ZBED3: variants seen among roughly 807,000 people sequenced by gnomAD.
ZBED3 encodes zinc finger BED-type containing 3.
For missense variants in ZBED3, 388 were observed against 362.9 expected (o/e 1.07, Z -0.56); for synonymous variants, 175 against 180.0 (o/e 0.97, Z 0.22).
At chr5:77,086,635 G>A (rs538395820) in intron 1 of ZBED3, 4 of 148,454 alleles carry the variant, frequency 2.7e-5, no homozygotes, top group African/African-American at 9.9e-5. Flanking sequence ...TTTGTTTGGG[G>A]GCCATGAGGG....
rs1198306740 is a variant in ZBED3 at position 77,075,481 on chromosome 5, T to C, written c.*1693A>G. 2 of 152,208 alleles carry C rather than the reference T, an allele frequency of 1.3e-5. No individual in the cohort carries two copies. The highest frequency in any genetic ancestry group is 2.9e-5 in the Non-Finnish European group (2 of 68,034). The allele number at this position is 152,208 out of a possible 1,614,324, so 9.4% of individuals were successfully genotyped here. The stretch of plus-strand genomic sequence containing the variant: ...TTTATATTTTTAGGCATGATCATCT[T>C]AATGTAATCATGTAGAACGGTGTCT... On this transcript the variant is annotated 3_prime_UTR_variant, in exon 3 of 3. Coordinates refer to ENST00000255198, the MANE Select transcript of ZBED3 (RefSeq NM_032367.4).
rs763294757 is a variant in ZBED3 at position 77,077,251 on chromosome 5, G to A, written c.628C>T (p.Pro210Ser). Residue 210 changes from proline (P) to serine (S), a missense_variant, in exon 3 of 3, where the codon CCC (proline) becomes TCC (serine). Pro to Ser is a moderately conservative substitution (Grantham distance 74). Transcript: ENST00000255198. Reference sequence around the variant, plus strand: ...TCCTTGAGCGGCGGCGGCGCAGCGGGGGCCCAGCCCAGGGCGCCCTCACGG... The same window carrying A: ...TCCTTGAGCGGCGGCGGCGCAGCGGAGGCCCAGCCCAGGGCGCCCTCACGG... ...SRREGALGWA[P>S]AAPPPLKDDP... 98 of 1,469,128 alleles carry A rather than the reference G, an allele frequency of 6.7e-5. No individual in the cohort carries two copies. The African/African-American group carries it at 1.1e-3, about 17-fold the overall frequency. 91.0% of individuals were successfully genotyped at this position (1,469,128 alleles called of 1,614,324 possible).
At chr5:77,084,466 T>G (rs1431493123) in intron 1 of ZBED3, among the ~76,000 whole-genome samples, 3 of 151,788 alleles carry the variant, frequency 2.0e-5, no homozygotes, top group Non-Finnish European at 1.5e-5. Flanking sequence ...GCCTTTCGCC[T>G]TCCGCCTTCC....
rs1013059263 is a variant in ZBED3, at chr5:77,075,300, T to G, written c.*1874A>C. ...GTATCATGGGAAAATATGTTGGGGT[T>G]GTTGTAGACTGAAAGTGACTAGAGT... On this transcript the variant is annotated 3_prime_UTR_variant, in exon 3 of 3. Transcript: ENST00000255198. 5 of 152,202 alleles carry G rather than the reference T, an allele frequency of 3.3e-5. No homozygotes were observed. The highest frequency in any genetic ancestry group is 1.2e-4 in the African/African-American group (5 of 41,438). The allele number at this position is 152,202 out of a possible 1,614,324, so 9.4% of individuals were successfully genotyped here.
rs1349751465 is a variant in ZBED3 at position 77,077,382 on chromosome 5, C to T, written c.497G>A (p.Arg166Gln). Residue 166 changes from arginine (R) to glutamine (Q), a missense_variant, in exon 3 of 3, where the codon CGG (arginine) becomes CAG (glutamine). Physicochemically the swap from Arg to Gln is conservative, Grantham distance 43 (BLOSUM62 1). Coordinates refer to ENST00000255198, the MANE Select transcript of ZBED3 (RefSeq NM_032367.4). ...AVEQGERALE[R>Q]RRRALQEEER... ...TTCCTCCTGCAGCGCCCTCCGCCTC[C>T]GCTCCAGGGCGCGCTCGCCCTGCTC... 3 of 1,251,020 alleles carry T rather than the reference C, an allele frequency of 2.4e-6. No homozygotes were observed. Among genetic ancestry groups the T allele is most frequent in the African/African-American group, 1.6e-5 (1 of 63,658 alleles). The allele number at this position is 1,251,020 out of a possible 1,614,324, so 77.5% of individuals were successfully genotyped here.
intron 1 of ZBED3, among the ~76,000 whole-genome samples, chr5:77,086,314 C>T (rs976151803): frequency 1.3e-5 from 2 of 151,822 alleles, no homozygotes; most frequent in East Asian, 1.9e-4. Context: ...TTTTATAATA[C>T]GTATTGCTGT....
chr5:77,073,930 G>A lies in ZBED3; in HGVS notation c.*3244C>T, dbSNP rs1438085930. The A allele has an allele frequency of 2.0e-5, 3 of 152,192 alleles. No individual in the cohort carries two copies. Among genetic ancestry groups the A allele is most frequent in the African/African-American group, 7.2e-5 (3 of 41,444 alleles). 9.4% of individuals were successfully genotyped at this position (152,192 alleles called of 1,614,324 possible). A position where few individuals can be genotyped will look rare whatever the true frequency, so the allele number is the denominator to read the frequency against. On this transcript the variant is annotated 3_prime_UTR_variant, in exon 3 of 3. Transcript: ENST00000255198. Reference sequence around the variant, plus strand: ...AGCTGGCCTGTCCTGAGGGTTGTGAGGCACAAAATGCTAGGAGACTAGAGA... The same window carrying A: ...AGCTGGCCTGTCCTGAGGGTTGTGAAGCACAAAATGCTAGGAGACTAGAGA...
chr5:77,082,083 A>G (rs1743139201), intron 1 of ZBED3, among the ~76,000 whole-genome samples: 1 of 152,150 alleles, frequency 6.6e-6, no homozygotes, highest in Non-Finnish European at 1.5e-5. Flanking sequence ...CTTGGCCAAC[A>G]TGGTGAAACC....
chr5:77,077,614 A>C lies in ZBED3; in HGVS notation c.265T>G (p.Leu89Val). 1 of 1,407,030 alleles carries C rather than the reference A, an allele frequency of 7.1e-7. No homozygotes were observed. Among genetic ancestry groups the C allele is most frequent in the Non-Finnish European group, 9.3e-7 (1 of 1,079,824 alleles). 87.2% of individuals were successfully genotyped at this position (1,407,030 alleles called of 1,614,324 possible). The change falls in exon 3 of 3, where the codon TTG (leucine) becomes GTG (valine). Residue 89 changes from leucine to valine, a missense_variant. Leu to Val is a conservative substitution (Grantham distance 32). Transcript: ENST00000255198. Reference sequence around the variant, plus strand: ...TGCGCGCTCCTCAGGTGCCTCCACAACGCCGAGGTCCCCGCGTGGAAGCCC... The same window carrying C: ...TGCGCGCTCCTCAGGTGCCTCCACACCGCCGAGGTCCCCGCGTGGAAGCCC... The part of the protein sequence containing the change: ...GPGFHAGTSA[L>V]WRHLRSAHRR...
At position 77,075,105 on chromosome 5, in the gene ZBED3, G is replaced by A. The variant is rs968360874; in HGVS notation, c.*2069C>T. On this transcript the variant is annotated 3_prime_UTR_variant, in exon 3 of 3. Coordinates refer to ENST00000255198, the MANE Select transcript of ZBED3 (RefSeq NM_032367.4). ...GGGCATGAAGGTTTTCTCCAGGCCC[G>A]GGGAGAACACTCGGCCTGGAGATAT... 5 of 152,154 alleles carry A rather than the reference G, an allele frequency of 3.3e-5. No homozygotes were observed. The East Asian group carries it at 7.7e-4, about 23-fold the overall frequency. 9.4% of individuals were successfully genotyped at this position (152,154 alleles called of 1,614,324 possible).
rs1742952089 is a variant in ZBED3 at position 77,075,193 on chromosome 5, T to C, written c.*1981A>G. ...AGGGATATGAGCCACGAGTGGAGTG[T>C]AGACATAGGCCTAAGGAAGCAATCA... On this transcript the variant is annotated 3_prime_UTR_variant, in exon 3 of 3. Coordinates refer to ENST00000255198, the MANE Select transcript of ZBED3 (RefSeq NM_032367.4). 6.6e-6 allele frequency: 1 copy of C among 152,150 alleles called. No homozygotes were observed. Among genetic ancestry groups the C allele is most frequent in the African/African-American group, 2.4e-5 (1 of 41,408 alleles). The allele number at this position is 152,150 out of a possible 1,614,324, so 9.4% of individuals were successfully genotyped here.
rs11744590 is a variant in ZBED3, at chr5:77,076,041, G to A, written c.*1133C>T. 9.2e-4 allele frequency: 70 copies of A among 76,238 alleles called. 10 individuals carry two copies. Among genetic ancestry groups the A allele is most frequent in the African/African-American group, 2.8e-3 (63 of 22,182 alleles). The allele number at this position is 76,238 out of a possible 1,614,324, so 4.7% of individuals were successfully genotyped here. ...TATATGTATATATATATGTATATAT[G>A]TATATATATATATAATATATACACA... On this transcript the variant is annotated 3_prime_UTR_variant, in exon 3 of 3. Coordinates refer to ENST00000255198, the MANE Select transcript of ZBED3 (RefSeq NM_032367.4).
chr5:77,079,480 T>C (rs182644096), intron 1 of ZBED3: 254 of 152,392 alleles, frequency 1.7e-3, no homozygotes, highest in African/African-American at 5.8e-3. Context: ...TTGTTGCAGA[T>C]GCACTGTACT....
chr5:77,083,270 C>T (rs1361743989), intron 1 of ZBED3, among the ~76,000 whole-genome samples: 1 of 152,228 alleles, frequency 6.6e-6, no homozygotes, highest in South Asian at 2.1e-4. Flanking sequence ...CACTGCTGCG[C>T]CGCTTGGAGG....
In ZBED3 at chr5:77,077,640, G is replaced by A. The variant is rs1405289107; in HGVS notation, c.239C>T (p.Pro80Leu). The change falls in exon 3 of 3, where the codon CCG becomes CTG. Residue 80 changes from proline (P) to leucine (L), a missense_variant. By Grantham distance (98) the Pro-to-Leu change is moderately conservative. Coordinates refer to ENST00000255198, the MANE Select transcript of ZBED3 (RefSeq NM_032367.4). ...CGCCGAGGTCCCCGCGTGGAAGCCC[G>A]GGCCGCGGCCCACCTGCTCCCCGCA... is the stretch of plus-strand genomic sequence containing the variant. ...RLCGEQVGRG[P>L]GFHAGTSALW... 7.1e-7 allele frequency: 1 copy of A among 1,410,750 alleles called. No individual in the cohort carries two copies. Among genetic ancestry groups the A allele is most frequent in the Non-Finnish European group, 9.2e-7 (1 of 1,082,306 alleles). 87.4% of individuals were successfully genotyped at this position (1,410,750 alleles called of 1,614,324 possible).
At chr5:77,078,256 AACAACG>A (rs1743066515) in intron 2 of ZBED3, among the ~76,000 whole-genome samples, 1 of 151,686 alleles carries the variant, frequency 6.6e-6, no homozygotes, top group African/African-American at 2.4e-5. Context: ...TCTTAATAAC[AACAACG>A]ACAACAATAA....
Position 77,077,633 on chromosome 5 carries a change from G to T in ZBED3, c.246C>A (p.Phe82Leu). 1 of 1,412,094 alleles carries T rather than the reference G, an allele frequency of 7.1e-7. No individual in the cohort carries two copies. Among genetic ancestry groups the T allele is most frequent in the Non-Finnish European group, 9.2e-7 (1 of 1,082,728 alleles). 87.5% of individuals were successfully genotyped at this position (1,412,094 alleles called of 1,614,324 possible). ...CGEQVGRGPGFHAGTSALWRH... is the reference protein window; with the variant it reads ...CGEQVGRGPGLHAGTSALWRH... ...TCCACAACGCCGAGGTCCCCGCGTGGAAGCCCGGGCCGCGGCCCACCTGCT... is the reference window on the plus strand; with the variant it reads ...TCCACAACGCCGAGGTCCCCGCGTGTAAGCCCGGGCCGCGGCCCACCTGCT... The change falls in exon 3 of 3, where the codon TTC becomes TTA. Residue 82 changes from phenylalanine (F) to leucine (L), a missense_variant. Transcript: ENST00000255198.
In ZBED3 at chr5:77,075,967, G is replaced by GTATATATA. The variant is rs1210235734; in HGVS notation, c.*1206_*1207insTATATATA. 1 of 30,640 alleles carries GTATATATA rather than the reference G, an allele frequency of 3.3e-5. No individual in the cohort carries two copies. The highest frequency in any genetic ancestry group is 6.8e-5 in the Non-Finnish European group (1 of 14,750). 1.9% of individuals were successfully genotyped at this position (30,640 alleles called of 1,614,324 possible). On this transcript the variant is annotated 3_prime_UTR_variant, in exon 3 of 3. Coordinates refer to ENST00000255198, the MANE Select transcript of ZBED3 (RefSeq NM_032367.4). ...TACATATATATATATATATATATAT[G>GTATATATA]TATATGTATATATGTATATATATAT...
At position 77,074,644 on chromosome 5, in the gene ZBED3, A is replaced by C. The variant is rs1028655436; in HGVS notation, c.*2530T>G. 6.6e-6 allele frequency: 1 copy of C among 152,184 alleles called. No individual in the cohort carries two copies. The highest frequency in any genetic ancestry group is 6.5e-5 in the Admixed American group (1 of 15,274). 9.4% of individuals were successfully genotyped at this position (152,184 alleles called of 1,614,324 possible). A position where few individuals can be genotyped will look rare whatever the true frequency, so the allele number is the denominator to read the frequency against. ...GGAATGCTCAGTAAATATTAATGTC[A>C]CTAATTCCAGTCAATTCCATTAACT... On this transcript the variant is annotated 3_prime_UTR_variant, in exon 3 of 3. Coordinates refer to ENST00000255198, the MANE Select transcript of ZBED3 (RefSeq NM_032367.4).
Sources: gnomAD v4.1 joint callset for allele counts (sites outside exome capture counted in the v4.1 genomes callset) on GRCh38, gnomAD v4.1.1 for gene constraint, MANE v1.5 for transcripts, NCBI Gene and HGNC (gene_info 2026-07-23, HGNC 2026-07-21) for gene names.